The following PTGS1 variants were observed in gnomAD, a reference collection of about 807,000 sequenced individuals.
PTGS1 encodes prostaglandin G/H synthase 1.
PTGS1 carries 40 observed loss-of-function variants against 63.0 expected under a neutral mutation model. The observed-to-expected ratio is 0.63, with a 90% confidence interval of 0.49 to 0.83. The LOEUF (loss-of-function observed/expected upper bound fraction) is 0.83. Ranked by LOEUF, PTGS1 falls within the 40% of genes least tolerant of loss-of-function variation. The pLI, the probability that PTGS1 is intolerant of heterozygous loss-of-function variation, is 0.00. For synonymous variants in PTGS1, 298 were observed against 301.9 expected (o/e 0.99, Z 0.13); for missense variants, 709 against 786.5 (o/e 0.90, Z 1.18).
chr9:122,391,816 G>T (rs1347905249), intron 10 of PTGS1, among the ~76,000 whole-genome samples: 1 of 152,082 alleles, frequency 6.6e-6, no homozygotes, highest in East Asian at 1.9e-4. Flanking sequence ...CCAGGCTAAG[G>T]TCTTGAAATC....
rs1350636754 is a variant in PTGS1 at position 122,371,099 on chromosome 9, C to T, written c.7+8C>T. Reference sequence around the variant, plus strand: ...GCAGCCGCGCCATGAGCCGTGAGTGCGACCCCGGTGCCCGGTGGGGAATTT... The same window carrying T: ...GCAGCCGCGCCATGAGCCGTGAGTGTGACCCCGGTGCCCGGTGGGGAATTT... On this transcript the variant is annotated splice_region_variant and intron_variant, in intron 1 of 10. Coordinates refer to ENST00000362012, the MANE Select transcript of PTGS1 (RefSeq NM_000962.4). 3.1e-6 allele frequency: 5 copies of T among 1,602,266 alleles called. No homozygotes were observed. The highest frequency in any genetic ancestry group is 1.7e-5 in the Admixed American group (1 of 59,832).
At chr9:122,378,371 A>C (rs1837305188) in intron 3 of PTGS1, 62 bp from the exon 4 acceptor site, 1 of 1,604,812 alleles carries the variant, frequency 6.2e-7, no homozygotes, top group Admixed American at 1.7e-5. Flanking sequence ...CCCATCTTCC[A>C]CCCTGGCTAC....
intron 9 of PTGS1, among the ~76,000 whole-genome samples, chr9:122,389,676 C>T (rs1588140817): frequency 6.6e-6 from 1 of 151,906 alleles, no homozygotes; most frequent in South Asian, 2.1e-4. Flanking sequence ...AGGAAGCTGC[C>T]GGATGTGGTG....
At chr9:122,377,478 C>A (rs1043030311) in intron 2 of PTGS1, among the ~76,000 whole-genome samples, 2 of 151,262 alleles carry the variant, frequency 1.3e-5, no homozygotes, top group East Asian at 3.9e-4. Context: ...GCCCCCCCAC[C>A]CCCCGCCCCG....
At chr9:122,391,229 A>G (rs1838203855) in intron 10 of PTGS1, among the ~76,000 whole-genome samples, 1 of 147,582 alleles carries the variant, frequency 6.8e-6, no homozygotes, top group Admixed American at 6.9e-5. Flanking sequence ...AAGTATATAT[A>G]CATATATATG....
chr9:122,379,550 G>A (rs1398109461), intron 5 of PTGS1, among the ~76,000 whole-genome samples: 1 of 152,236 alleles, frequency 6.6e-6, no homozygotes, highest in Non-Finnish European at 1.5e-5. Context: ...GTCCTGTGCA[G>A]CCTCATGGTT....
intron 2 of PTGS1, among the ~76,000 whole-genome samples, chr9:122,372,390 GT>G (rs1402408069): frequency 1.3e-5 from 2 of 152,206 alleles, no homozygotes; most frequent in Non-Finnish European, 2.9e-5. Context: ...TAAAAGTCTG[GT>G]TTATGGGAAG....
chr9:122,383,232 T>G (rs1471550443), intron 7 of PTGS1, among the ~76,000 whole-genome samples: 1 of 148,026 alleles, frequency 6.8e-6, no homozygotes, highest in Non-Finnish European at 1.5e-5. Flanking sequence ...CTTTTTTGCT[T>G]GGGTGCAGTG....
rs868344481 is a variant in PTGS1, at chr9:122,389,827, G to A, written c.1297-371G>A. ...TAAAACAAAATTAGCCAGGCATGGT[G>A]GCACGTGTCTGTAGTCCTAGCTACT... On this transcript the variant is annotated intron_variant, in intron 9 of 10. Transcript: ENST00000362012. 3.9e-5 allele frequency among the ~76,000 whole-genome samples: 6 copies of A among 152,096 alleles called. No individual in the cohort carries two copies. The South Asian group carries it at 1.2e-3, about 32-fold the overall frequency.
At chr9:122,388,186 A>G (rs375490075) in intron 9 of PTGS1, among the ~76,000 whole-genome samples, 19 of 152,330 alleles carry the variant, frequency 1.2e-4, no homozygotes, top group African/African-American at 4.6e-4. Context: ...GCAGAGATGT[A>G]TGGACTGTCA....
chr9:122,384,030 T>C (rs1588133520), intron 8 of PTGS1, among the ~76,000 whole-genome samples: 1 of 152,188 alleles, frequency 6.6e-6, no homozygotes, highest in Admixed American at 6.5e-5. Flanking sequence ...ACTGTGATGG[T>C]TGATTATTAG....
intron 2 of PTGS1, among the ~76,000 whole-genome samples, chr9:122,374,588 C>T (rs1471690768): frequency 6.6e-6 from 1 of 152,150 alleles, no homozygotes; most frequent in African/African-American, 2.4e-5. Flanking sequence ...CTCCACTGAG[C>T]ATAGAACTGA....
intron 9 of PTGS1, among the ~76,000 whole-genome samples, chr9:122,387,105 A>C (rs1452608235): frequency 6.6e-6 from 1 of 152,010 alleles, no homozygotes; most frequent in Non-Finnish European, 1.5e-5. Flanking sequence ...CCATAGTAGA[A>C]AAGCCCACCA....
chr9:122,391,410 C>CAT (rs1182952396), intron 10 of PTGS1, among the ~76,000 whole-genome samples: 72 of 50,722 alleles, frequency 1.4e-3, no homozygotes, highest in Non-Finnish European at 2.1e-3. Context: ...TATATATATA[C>CAT]ATATATATAT....
rs1588133375 is a variant in PTGS1, at chr9:122,383,894, G to A, written c.1009+139G>A. 1.3e-5 allele frequency: 16 copies of A among 1,193,784 alleles called. 1 individual carries two copies. The highest frequency in any genetic ancestry group is 2.8e-4 in the Middle Eastern group (1 of 3,622). 73.9% of individuals were successfully genotyped at this position (1,193,784 alleles called of 1,614,324 possible). A position where few individuals can be genotyped will look rare whatever the true frequency, so the allele number is the denominator to read the frequency against. On this transcript the variant is annotated intron_variant, in intron 8 of 10. Coordinates refer to ENST00000362012, the MANE Select transcript of PTGS1 (RefSeq NM_000962.4). ...TTAGTGGCTAGAAGACCTTGAGCAG[G>A]CCCCTCAACCTCTGTGAGCCTCGGT... is the stretch of plus-strand genomic sequence containing the variant.
At position 122,390,202 on chromosome 9, in the gene PTGS1, G is replaced by A; in HGVS notation, c.1301G>A (p.Gly434Asp). 6.2e-7 allele frequency: 1 copy of A among 1,613,696 alleles called. No homozygotes were observed. Among genetic ancestry groups the A allele is most frequent in the Non-Finnish European group, 8.5e-7 (1 of 1,179,780 alleles). The change falls in exon 10 of 11, where the codon GGT becomes GAT. Residue 434 changes from glycine to aspartate, a missense_variant. Coordinates refer to ENST00000362012, the MANE Select transcript of PTGS1 (RefSeq NM_000962.4). ...AFSRQIAGRI[G>D]GGRNMDHHIL... ...GCTGTGCTTCTCTCTCGGCAGATCGGTGGGGGCAGGAACATGGACCACCAC... is the reference window on the plus strand; with the variant it reads ...GCTGTGCTTCTCTCTCGGCAGATCGATGGGGGCAGGAACATGGACCACCAC...
In PTGS1 at chr9:122,394,352, G is replaced by A. The variant is rs1175664533; in HGVS notation, c.*1808G>A. ...CTAGAGTTCGGTCTGACAGTCCTTG[G>A]GGTTAAGTCTCCTGTCTTATGGTCC... On this transcript the variant is annotated 3_prime_UTR_variant, in exon 11 of 11. Coordinates refer to ENST00000362012, the MANE Select transcript of PTGS1 (RefSeq NM_000962.4). 6 of 152,180 alleles carry A rather than the reference G, an allele frequency of 3.9e-5. No homozygotes were observed. Among genetic ancestry groups the A allele is most frequent in the African/African-American group, 1.2e-4 (5 of 41,432 alleles). The allele number at this position is 152,180 out of a possible 1,614,324, so 9.4% of individuals were successfully genotyped here. A position where few individuals can be genotyped will look rare whatever the true frequency, so the allele number is the denominator to read the frequency against.
chr9:122,383,891 C>T (rs1588133373), intron 8 of PTGS1, 136 bp downstream of exon 8: 4 of 1,217,494 alleles, frequency 3.3e-6, no homozygotes, highest in East Asian at 2.5e-5. Flanking sequence ...AGACCTTGAG[C>T]AGGCCCCTCA....
At chr9:122,376,754 C>CAGCT (rs1837193040) in intron 2 of PTGS1, among the ~76,000 whole-genome samples, 1 of 152,164 alleles carries the variant, frequency 6.6e-6, no homozygotes, top group Admixed American at 6.5e-5. Context: ...TTTGGTCTGC[C>CAGCT]CAGCTCTGTT....
Sources: allele counts gnomAD v4.1 joint callset (sites outside exome capture counted in the v4.1 genomes callset), GRCh38; gene constraint gnomAD v4.1.1; transcripts MANE v1.5; gene names NCBI Gene and HGNC (gene_info 2026-07-23, HGNC 2026-07-21).